The following COG6 variants were observed in gnomAD, a reference collection of about 807,000 sequenced individuals.
COG6 encodes conserved oligomeric Golgi complex subunit 6.
Under a neutral mutation model 88.8 loss-of-function variants are expected in COG6, and 74 were observed. That is an observed-to-expected ratio of 0.83 (90% CI 0.69 to 1.01). COG6 has a LOEUF of 1.01. COG6 is among the 50% of genes least tolerant of loss of function. The probability of loss-of-function intolerance (pLI) is 0.00; values close to 1 mark genes in which losing one functional copy is unlikely to be tolerated. For missense variants in COG6, 800 were observed against 797.9 expected, an observed-to-expected ratio of 1.00 and a Z score of -0.03; for synonymous variants, 286 against 278.7, an observed-to-expected ratio of 1.03 and a Z score of -0.26.
At position 39,771,265 on chromosome 13, in the gene COG6, C is replaced by T. The variant is rs1483378364; in HGVS notation, c.1827-17070C>T. ...ATCCAACCATCTTTCTGGCTTGTTTCCCGCAGGTACTGAAAGGCATTTGCT... is the reference window on the plus strand; with the variant it reads ...ATCCAACCATCTTTCTGGCTTGTTTTCCGCAGGTACTGAAAGGCATTTGCT... On this transcript the variant is annotated intron_variant, in intron 18 of 18. Coordinates refer to the COG6 transcript ENST00000416691. Among the ~76,000 whole-genome samples, 12 of 152,216 alleles carry T rather than the reference C, an allele frequency of 7.9e-5. No homozygotes were observed. In the South Asian group the frequency reaches 2.3e-3, roughly 29 times the overall value.
intron 13 of COG6, among the ~76,000 whole-genome samples, chr13:39,709,740 T>C (rs891795429): frequency 6.6e-6 from 1 of 152,148 alleles, no homozygotes; most frequent in African/African-American, 2.4e-5. Flanking sequence ...TCCACAAATA[T>C]ATATGTGTTA....
At chr13:39,706,340 G>T (rs987995524) in intron 13 of COG6, among the ~76,000 whole-genome samples, 1 of 145,312 alleles carries the variant, frequency 6.9e-6, no homozygotes, top group African/African-American at 2.5e-5. Context: ...TTTGTGTTTG[G>T]TTGGCTAGTC....
chr13:39,787,675 G>T (rs1357154584), intron 18 of COG6, among the ~76,000 whole-genome samples: 4 of 152,004 alleles, frequency 2.6e-5, no homozygotes, highest in Admixed American at 1.3e-4. Context: ...CTCTATTTGT[G>T]CAGGTTCTGC....
intron 18 of COG6, among the ~76,000 whole-genome samples, chr13:39,730,418 T>G (rs1250223249): frequency 1.3e-5 from 2 of 152,160 alleles, no homozygotes; most frequent in Non-Finnish European, 2.9e-5. Context: ...GGTATAAATT[T>G]AGCTACTTAT....
At chr13:39,678,627 C>T (rs1026563233) in intron 5 of COG6, among the ~76,000 whole-genome samples, 2 of 151,640 alleles carry the variant, frequency 1.3e-5, no homozygotes, top group Admixed American at 1.3e-4. Context: ...TTGGTCTTCT[C>T]GCTGGGAAGA....
intron 11 of COG6, among the ~76,000 whole-genome samples, chr13:39,691,124 G>A (rs973350888): frequency 6.6e-6 from 1 of 151,556 alleles, no homozygotes; most frequent in Non-Finnish European, 1.5e-5. Flanking sequence ...TGGGTACATA[G>A]TAGGTGTATG....
In COG6 at chr13:39,714,784, A is replaced by G. The variant is rs193264954; in HGVS notation, c.1285-4452A>G. ...CTACTGGGTATCTACCCAAAGGAAT[A>G]GTAGTCATTATATCAAAAAGACACT... On this transcript the variant is annotated intron_variant, in intron 13 of 18. Transcript: ENST00000455146. Among the ~76,000 whole-genome samples, 766 of 152,334 alleles carry G rather than the reference A, an allele frequency of 5.0e-3. 6 individuals carry two copies. Among genetic ancestry groups the G allele is most frequent in the African/African-American group, 0.017 (712 of 41,576 alleles).
chr13:39,731,049 C>A (rs1879420005), intron 18 of COG6, among the ~76,000 whole-genome samples: 1 of 151,898 alleles, frequency 6.6e-6, no homozygotes, highest in African/African-American at 2.4e-5. Flanking sequence ...TCTCGAACTC[C>A]TGACCTCAAA....
At chr13:39,682,862 T>C (rs2137994526) in intron 8 of COG6, among the ~76,000 whole-genome samples, 1 of 152,232 alleles carries the variant, frequency 6.6e-6, no homozygotes, top group South Asian at 2.1e-4. Context: ...AATACTTTCT[T>C]TAATGCCTGG....
intron 18 of COG6, among the ~76,000 whole-genome samples, chr13:39,757,896 A>T (rs1439531918): frequency 6.6e-6 from 1 of 152,162 alleles, no homozygotes; most frequent in Non-Finnish European, 1.5e-5. Flanking sequence ...TCGGCTGTGT[A>T]TCCAAAATAA....
chr13:39,656,065 C>G, intron 1 of COG6, 186 bp downstream of exon 1: 1 of 764,456 alleles, frequency 1.3e-6, no homozygotes, highest in Non-Finnish European at 2.3e-6. Context: ...GGAGCCCCAG[C>G]AACCTCCGGA....
chr13:39,754,764 C>T (rs1880778676), downstream of COG6, among the ~76,000 whole-genome samples: 7 of 151,944 alleles, frequency 4.6e-5, no homozygotes, highest in African/African-American at 9.7e-5. Context: ...ATGTGTTTCC[C>T]GTTGAGGAAT....
At chr13:39,790,870 T>A (rs1881919640) in exon 19 of COG6, 1 of 152,118 alleles carries the variant, frequency 6.6e-6, no homozygotes, top group Admixed American at 6.6e-5. Context: ...GACTATGAAT[T>A]TTTTCTCAGT....
intron 18 of COG6, among the ~76,000 whole-genome samples, chr13:39,743,486 A>G (rs1880163964): frequency 6.6e-6 from 1 of 152,226 alleles, no homozygotes; most frequent in Non-Finnish European, 1.5e-5. Context: ...CTCTATGCAA[A>G]TAATCTAGAA....
chr13:39,697,770 G>C (rs1292580655), intron 12 of COG6, among the ~76,000 whole-genome samples: 1 of 151,872 alleles, frequency 6.6e-6, no homozygotes, highest in African/African-American at 2.4e-5. Context: ...TTCTTCACTA[G>C]CCTGTTCACT....
At chr13:39,762,394 G>C (rs1002732857) in intron 18 of COG6, among the ~76,000 whole-genome samples, 1 of 151,830 alleles carries the variant, frequency 6.6e-6, no homozygotes, top group Non-Finnish European at 1.5e-5. Flanking sequence ...ATAGTCAGAG[G>C]TTGGTTAATG....
intron 18 of COG6, among the ~76,000 whole-genome samples, chr13:39,741,706 C>G (rs1275307448): frequency 2.0e-5 from 3 of 151,916 alleles, no homozygotes; most frequent in African/African-American, 7.3e-5. Context: ...GAGAACTTCC[C>G]CAACCTAGCA....
chr13:39,724,562 G>T lies in COG6; in HGVS notation c.1746+1G>T, dbSNP rs1397050127. On this transcript the variant is annotated splice_donor_variant, in intron 17 of 18. Transcript: ENST00000455146. LOFTEE classifies it high-confidence loss of function. Reference sequence around the variant, plus strand: ...TTCTGTGACACTGAAGGCTGCAATGGTAAGTGTATAATAAAACATTTTAAT... The same window carrying T: ...TTCTGTGACACTGAAGGCTGCAATGTTAAGTGTATAATAAAACATTTTAAT... The T allele has an allele frequency of 1.9e-6, 3 of 1,586,976 alleles. No homozygotes were observed. Among genetic ancestry groups the T allele is most frequent in the Non-Finnish European group, 1.7e-6 (2 of 1,157,932 alleles).
intron 12 of COG6, among the ~76,000 whole-genome samples, chr13:39,697,937 G>A (rs1451511287): frequency 1.3e-5 from 2 of 151,976 alleles, no homozygotes; most frequent in Admixed American, 1.3e-4. Context: ...TTGTGGTGGA[G>A]GAGGAGAACT....
Sources: gnomAD v4.1 joint callset for allele counts (sites outside exome capture counted in the v4.1 genomes callset) on GRCh38, gnomAD v4.1.1 for gene constraint, MANE v1.5 for transcripts, NCBI Gene and HGNC (gene_info 2026-07-23, HGNC 2026-07-21) for gene names.